Variants in SLC25A51 observed in about 807,000 individuals in gnomAD.
SLC25A51 encodes the protein solute carrier family 25 member 51, also known as mitochondrial nicotinamide adenine dinucleotide transporter SLC25A51.
A neutral mutation model predicts 19.1 loss-of-function variants in SLC25A51; 11 were observed. That is an observed-to-expected ratio of 0.58 (90% confidence interval 0.36 to 0.96). The LOEUF is 0.96. SLC25A51 is among the 40% of genes least tolerant of loss of function. The pLI, the probability that SLC25A51 is intolerant of heterozygous loss-of-function variation, is 0.01. For synonymous variants in SLC25A51, 105 were observed against 133.6 expected (o/e 0.79, Z 1.47); for missense variants, 201 against 365.4 (o/e 0.55, Z 3.67).
intron 2 of SLC25A51, among the ~76,000 whole-genome samples, chr9:37,896,739 T>C (rs1051357898): frequency 1.3e-5 from 2 of 152,180 alleles, no homozygotes; most frequent in African/African-American, 4.8e-5. Flanking sequence ...GAGGTTGCAG[T>C]GAGCCGAGAT....
intron 1 of SLC25A51, among the ~76,000 whole-genome samples, chr9:37,900,530 G>A (rs1302575643): frequency 2.0e-5 from 3 of 151,950 alleles, no homozygotes; most frequent in South Asian, 2.1e-4. Context: ...ACTGCAGCCT[G>A]GACCCCTGGG....
intron 1 of SLC25A51, among the ~76,000 whole-genome samples, chr9:37,902,416 G>T (rs1161937204): frequency 6.6e-6 from 1 of 152,104 alleles, no homozygotes; most frequent in Admixed American, 6.5e-5. Context: ...GGCCTAGATG[G>T]GGGAAAAAAT....
intron 3 of SLC25A51, among the ~76,000 whole-genome samples, chr9:37,881,311 G>T (rs906781313): frequency 1.3e-5 from 2 of 152,064 alleles, no homozygotes; most frequent in African/African-American, 4.8e-5. Flanking sequence ...GCTAAACCAA[G>T]AAAGTTTAAA....
At chr9:37,895,537 T>C (rs1041392407) in intron 2 of SLC25A51, among the ~76,000 whole-genome samples, 1 of 152,162 alleles carries the variant, frequency 6.6e-6, no homozygotes, top group South Asian at 2.1e-4. Context: ...ATCTTTCATT[T>C]CTATTGACCA....
At chr9:37,883,997 G>T (rs1454853087), downstream of SLC25A51, among the ~76,000 whole-genome samples, 1 of 152,142 alleles carries the variant, frequency 6.6e-6, no homozygotes, top group African/African-American at 2.4e-5. Flanking sequence ...AGCTTTTATG[G>T]ACTATTTGTC....
chr9:37,902,885 G>A (rs1015073404), intron 1 of SLC25A51, among the ~76,000 whole-genome samples: 5 of 152,154 alleles, frequency 3.3e-5, no homozygotes, highest in African/African-American at 1.2e-4. Flanking sequence ...CAAAAACTGG[G>A]GAGAGGGTGA....
At chr9:37,899,329 T>C (rs1246049416) in intron 2 of SLC25A51, among the ~76,000 whole-genome samples, 1 of 152,238 alleles carries the variant, frequency 6.6e-6, no homozygotes, top group Non-Finnish European at 1.5e-5. Context: ...AACTTCCATT[T>C]ACTAATATTT....
intron 3 of SLC25A51, chr9:37,880,863 C>T (rs888418399): frequency 1.3e-5 from 2 of 152,220 alleles, no homozygotes; most frequent in African/African-American, 4.8e-5. Flanking sequence ...CCTGGTCACA[C>T]CTACTCCTCA....
downstream of SLC25A51, among the ~76,000 whole-genome samples, chr9:37,884,529 T>TC (rs1831408543): frequency 1.3e-5 from 2 of 152,220 alleles, no homozygotes; most frequent in East Asian, 1.9e-4. Context: ...GAGCCTTTTT[T>TC]CCCCTCTCTT....
At chr9:37,884,716 G>A (rs2118298199), downstream of SLC25A51, among the ~76,000 whole-genome samples, 1 of 152,308 alleles carries the variant, frequency 6.6e-6, no homozygotes, top group South Asian at 2.1e-4. Context: ...GATGGCACCA[G>A]TAATTCAAAG....
chr9:37,897,870 T>C (rs1252630130), intron 2 of SLC25A51, among the ~76,000 whole-genome samples: 1 of 152,114 alleles, frequency 6.6e-6, no homozygotes, highest in Admixed American at 6.5e-5. Context: ...AGCTGAGTCA[T>C]ATATGATTTA....
intron 2 of SLC25A51, among the ~76,000 whole-genome samples, chr9:37,898,211 G>C (rs1315084234): frequency 1.3e-5 from 2 of 152,180 alleles, no homozygotes; most frequent in Non-Finnish European, 2.9e-5. Context: ...AGAAGTTCAA[G>C]ACCAACCTGG....
chr9:37,891,471 A>G (rs919961219), intron 2 of SLC25A51, among the ~76,000 whole-genome samples: 16 of 152,232 alleles, frequency 1.1e-4, no homozygotes, highest in Non-Finnish European at 2.1e-4. Context: ...GTCTGTGTAG[A>G]AAGAAGTAGA....
intron 1 of SLC25A51, among the ~76,000 whole-genome samples, chr9:37,900,719 G>A (rs571810936): frequency 6.6e-6 from 1 of 151,582 alleles, no homozygotes; most frequent in Admixed American, 6.6e-5. Context: ...TCCAACACTT[G>A]CTGTTTTAAA....
At position 37,890,550 on chromosome 9, in the gene SLC25A51, A is replaced by G. The variant is rs1248196618; in HGVS notation, c.-42-1958T>C. 2.0e-5 allele frequency among the ~76,000 whole-genome samples: 3 copies of G among 152,058 alleles called. No individual in the cohort carries two copies. The East Asian group carries it at 5.8e-4, about 29-fold the overall frequency. ...GAGACTCTGCCTCTACAAAAATCAA[A>G]ATAAATTTTTGGGGCATGATGGCGT... On this transcript the variant is annotated intron_variant, in intron 2 of 2. Transcript: ENST00000242275.
downstream of SLC25A51, among the ~76,000 whole-genome samples, chr9:37,883,671 G>A (rs745927294): frequency 7.2e-5 from 11 of 152,224 alleles, no homozygotes; most frequent in South Asian, 4.1e-4. Flanking sequence ...AAAGTCACAC[G>A]CATGATTGAG....
downstream of SLC25A51, chr9:37,878,775 AAGAC>A (rs1408833570): frequency 6.3e-6 from 1 of 158,788 alleles, no homozygotes; most frequent in Non-Finnish European, 1.4e-5. Flanking sequence ...AGCCAATAGA[AAGAC>A]AGTCTTTTAA....
intron 1 of SLC25A51, chr9:37,903,796 G>A (rs1469765283): frequency 2.6e-5 from 4 of 152,444 alleles, no homozygotes; most frequent in Admixed American, 2.0e-4. Flanking sequence ...CGAATGAAGG[G>A]ACAGCGCCTT....
In SLC25A51 at chr9:37,900,319, C is replaced by T. The variant is rs867590814; in HGVS notation, c.-164-369G>A. Among the ~76,000 whole-genome samples the T allele has an allele frequency of 1.1e-4, 17 of 152,006 alleles. No individual in the cohort carries two copies. The South Asian group carries it at 3.1e-3, about 28-fold the overall frequency. ...CAAAATTTAGCCAGGCATCGTGGCA[C>T]GCACCTGTAGTCCCAGCTACCTGGG... is the stretch of plus-strand genomic sequence containing the variant. On this transcript the variant is annotated intron_variant, in intron 1 of 2. Coordinates refer to ENST00000242275, the MANE Select transcript of SLC25A51 (RefSeq NM_033412.4).
Sources: gnomAD v4.1 joint callset for allele counts (sites outside exome capture counted in the v4.1 genomes callset) on GRCh38, gnomAD v4.1.1 for gene constraint, MANE v1.5 for transcripts, NCBI Gene and HGNC (gene_info 2026-07-23, HGNC 2026-07-21) for gene names.